PDE11A: variants seen among roughly 807,000 people sequenced by gnomAD.
PDE11A encodes the protein dual 3',5'-cyclic-AMP and -GMP phosphodiesterase 11A.
PDE11A carries 100 observed loss-of-function variants against 100.5 expected under a neutral mutation model. The observed-to-expected ratio is 1.00, with a 90% CI of 0.85 to 1.18. The LOEUF is 1.18. PDE11A is among the 50% of genes most tolerant of loss of function. PDE11A has a pLI of 0.00. For synonymous variants in PDE11A, 381 were observed against 420.8 expected (o/e 0.91, Z 1.16); for missense variants, 1,141 against 1,152.6 (o/e 0.99, Z 0.15).
chr2:178,039,469 A>G (rs931426229), intron 1 of PDE11A, among the ~76,000 whole-genome samples: 6 of 152,054 alleles, frequency 3.9e-5, no homozygotes, highest in Admixed American at 2.6e-4. Context: ...TTACACAGCA[A>G]ACCCCCATGA....
rs192351875 is a variant in PDE11A, at chr2:178,104,281, C to A, written c.162+21G>T. ...TTTCCTACAGTGTATCTGGTTCTCTCCCACAACTGCTAGTTTTTACCTTTG... is the reference window on the plus strand; with the variant it reads ...TTTCCTACAGTGTATCTGGTTCTCTACCACAACTGCTAGTTTTTACCTTTG... On this transcript the variant is annotated intron_variant, in intron 2 of 20. Coordinates refer to the PDE11A transcript ENST00000358450. The A allele has an allele frequency of 1.3e-5, 21 of 1,607,888 alleles. No individual in the cohort carries two copies. The East Asian group carries it at 2.0e-4, about 15-fold the overall frequency.
intron 10 of PDE11A, among the ~76,000 whole-genome samples, chr2:177,767,370 A>G (rs751564847): frequency 6.6e-6 from 1 of 151,884 alleles, no homozygotes; most frequent in African/African-American, 2.4e-5. Flanking sequence ...TTGGCCTGCT[A>G]TATCTCTGGG....
chr2:178,021,604 AT>A lies in PDE11A; in HGVS notation c.913-7145del, dbSNP rs374023133. Among the ~76,000 whole-genome samples, 18 of 152,336 alleles carry A rather than the reference AT, an allele frequency of 1.2e-4. 1 individual carries two copies. Among genetic ancestry groups the A allele is most frequent in the African/African-American group, 4.3e-4 (18 of 41,572 alleles). ...GAACAAAAGTTTAATAATAGATGAA[AT>A]TAAAAAATAGATTTAACTAGCCAAG... On this transcript the variant is annotated intron_variant, in intron 1 of 19. Transcript: ENST00000286063.
intron 2 of PDE11A, among the ~76,000 whole-genome samples, chr2:178,004,272 C>T (rs2086178419): frequency 6.6e-6 from 1 of 150,536 alleles, no homozygotes; most frequent in Non-Finnish European, 1.5e-5. Context: ...ATCTTATCAC[C>T]AAAGAAAAGG....
At chr2:177,731,383 G>A (rs2081687159) in intron 10 of PDE11A, among the ~76,000 whole-genome samples, 1 of 152,106 alleles carries the variant, frequency 6.6e-6, no homozygotes. Context: ...GTTTCCTTGG[G>A]GAAGCCACCA....
At chr2:178,005,538 CT>C (rs2086197977) in intron 2 of PDE11A, among the ~76,000 whole-genome samples, 1 of 152,090 alleles carries the variant, frequency 6.6e-6, no homozygotes, top group African/African-American at 2.4e-5. Flanking sequence ...TATATATTTA[CT>C]TTGTTTGTTG....
intron 5 of PDE11A, among the ~76,000 whole-genome samples, chr2:177,872,931 T>G (rs549812033): frequency 3.3e-5 from 5 of 152,348 alleles, no homozygotes; most frequent in African/African-American, 1.2e-4. Context: ...CTGAGATAAA[T>G]GAACATTCTA....
chr2:177,881,362 T>C (rs2084337880), intron 4 of PDE11A, among the ~76,000 whole-genome samples: 1 of 151,588 alleles, frequency 6.6e-6, no homozygotes, highest in Non-Finnish European at 1.5e-5. Flanking sequence ...TATCTATCTA[T>C]CTATCTATCT....
chr2:178,024,449 G>C (rs890129822), intron 1 of PDE11A, among the ~76,000 whole-genome samples: 3 of 152,066 alleles, frequency 2.0e-5, no homozygotes, highest in Non-Finnish European at 4.4e-5. Context: ...CAAGGCCTCT[G>C]GGGTCTGAAG....
intron 19 of PDE11A, among the ~76,000 whole-genome samples, chr2:177,647,986 C>T (rs745475835): frequency 7.9e-5 from 12 of 151,896 alleles, no homozygotes; most frequent in Non-Finnish European, 1.5e-4. Flanking sequence ...GTGGTGTGCA[C>T]CTGCAATCCT....
chr2:177,707,401 A>G (rs560147862), intron 13 of PDE11A, among the ~76,000 whole-genome samples: 2 of 152,218 alleles, frequency 1.3e-5, no homozygotes, highest in South Asian at 4.1e-4. Flanking sequence ...ACTCTGAAGT[A>G]GCCCAATTTT....
intron 10 of PDE11A, among the ~76,000 whole-genome samples, chr2:177,766,004 GC>G (rs2082233703): frequency 6.6e-6 from 1 of 152,110 alleles, no homozygotes; most frequent in East Asian, 1.9e-4. Flanking sequence ...CCAAACTCTG[GC>G]TTAAGCTCTG....
chr2:177,768,786 A>G (rs1310684267), intron 10 of PDE11A, among the ~76,000 whole-genome samples: 3 of 152,328 alleles, frequency 2.0e-5, no homozygotes, highest in Middle Eastern at 3.4e-3. Context: ...ACGTCTTACA[A>G]TTGTTTGACC....
chr2:177,836,333 T>C (rs562412098), intron 6 of PDE11A, among the ~76,000 whole-genome samples: 2 of 152,284 alleles, frequency 1.3e-5, no homozygotes, highest in African/African-American at 4.8e-5. Context: ...TGTATCTAGC[T>C]CAAGGTTTGT....
At chr2:177,835,419 C>T (rs914512932) in intron 6 of PDE11A, among the ~76,000 whole-genome samples, 2 of 152,212 alleles carry the variant, frequency 1.3e-5, no homozygotes, top group Non-Finnish European at 2.9e-5. Context: ...CTACAGGATA[C>T]TCCCCTCGGA....
rs755887498 is a variant in PDE11A, at chr2:177,979,901, C to G, written c.1071+34401G>C. On this transcript the variant is annotated intron_variant, in intron 2 of 19. Transcript: ENST00000286063. ...CTGGGATTACAAGCGTGAGCCACCGCGCCCGGCAGATGATCATTTTTATCA... is the reference window on the plus strand; with the variant it reads ...CTGGGATTACAAGCGTGAGCCACCGGGCCCGGCAGATGATCATTTTTATCA... Among the ~76,000 whole-genome samples, 7 of 150,492 alleles carry G rather than the reference C, an allele frequency of 4.7e-5. No individual in the cohort carries two copies. In the East Asian group the frequency reaches 1.4e-3, roughly 29 times the overall value.
Position 178,020,956 on chromosome 2 carries a change from T to C in PDE11A, c.913-6496A>G, listed in dbSNP as rs867272481. Among the ~76,000 whole-genome samples the C allele has an allele frequency of 3.2e-4, 48 of 151,084 alleles. No homozygotes were observed. The South Asian group carries it at 0.01, about 32-fold the overall frequency. ...GTGTGTGTGTGTGTGTGTGTGTGTG[T>C]GTGTGTGTGTGTGTGTGTGTTTGAG... On this transcript the variant is annotated intron_variant, in intron 1 of 19. Transcript: ENST00000286063.
chr2:177,802,380 T>C (rs1349250258), intron 9 of PDE11A, among the ~76,000 whole-genome samples: 2 of 152,064 alleles, frequency 1.3e-5, no homozygotes, highest in Non-Finnish European at 2.9e-5. Context: ...AATCATAGCA[T>C]ATGTTCACAA....
intron 6 of PDE11A, among the ~76,000 whole-genome samples, chr2:177,830,731 G>A (rs2083295956): frequency 6.6e-6 from 1 of 151,518 alleles, no homozygotes; most frequent in Non-Finnish European, 1.5e-5. Flanking sequence ...CCCTGACAAT[G>A]TCTTCAGAAA....
Sources: allele counts gnomAD v4.1 joint callset (sites outside exome capture counted in the v4.1 genomes callset), GRCh38; gene constraint gnomAD v4.1.1; transcripts MANE v1.5; gene names NCBI Gene and HGNC (gene_info 2026-07-23, HGNC 2026-07-21).